PPP1R13B: variants seen among roughly 807,000 people sequenced by gnomAD.
The protein encoded by PPP1R13B is apoptosis-stimulating of p53 protein 1.
A neutral mutation model predicts 119.8 loss-of-function variants in PPP1R13B; 44 were observed. The ratio of observed to expected loss-of-function variants is 0.37; its 90% CI spans 0.29 to 0.47. The LOEUF is 0.47. Ranked by LOEUF, PPP1R13B falls within the 20% of genes least tolerant of loss-of-function variation. PPP1R13B has a pLI of 0.99. For missense variants in PPP1R13B, 1,227 were observed against 1,413.5 expected, an observed-to-expected ratio of 0.87 and a Z score of 2.12; for synonymous variants, 542 against 561.5, an observed-to-expected ratio of 0.97 and a Z score of 0.49.
At chr14:103,824,680 GCGAGACTC>G (rs1696289489) in intron 1 of PPP1R13B, among the ~76,000 whole-genome samples, 1 of 150,706 alleles carries the variant, frequency 6.6e-6, no homozygotes, top group Non-Finnish European at 1.5e-5. Flanking sequence ...GGGCGACAGA[GCGAGACTC>G]CGCCTCAAAA....
At position 103,757,645 on chromosome 14, in the gene PPP1R13B, C is replaced by G. The variant is rs1316313006; in HGVS notation, c.456+5G>C. Reference sequence around the variant, plus strand: ...AATGTTTCAATACCTCTTTTTATAACTTACCTTGGCAACCAACATCTGCTG... The same window carrying G: ...AATGTTTCAATACCTCTTTTTATAAGTTACCTTGGCAACCAACATCTGCTG... On this transcript the variant is annotated splice_donor_5th_base_variant and intron_variant, in intron 5 of 16. Transcript: ENST00000202556. 1 of 1,613,054 alleles carries G rather than the reference C, an allele frequency of 6.2e-7. No individual in the cohort carries two copies.
chr14:103,784,621 G>A (rs536592045), intron 3 of PPP1R13B, among the ~76,000 whole-genome samples, 174 bp downstream of exon 3: 8 of 131,518 alleles, frequency 6.1e-5, no homozygotes, highest in South Asian at 5.0e-4. Flanking sequence ...AAAAAGTGCC[G>A]TAATGGTAAA....
At chr14:103,803,624 C>T (rs1413427917) in intron 1 of PPP1R13B, among the ~76,000 whole-genome samples, 3 of 152,084 alleles carry the variant, frequency 2.0e-5, no homozygotes, top group African/African-American at 4.8e-5. Context: ...GCCTGGGCAA[C>T]AGAGCGAGAC....
At chr14:103,827,621 CTATAGA>C (rs971135315) in intron 1 of PPP1R13B, among the ~76,000 whole-genome samples, 1 of 148,196 alleles carries the variant, frequency 6.7e-6, no homozygotes, top group Non-Finnish European at 1.5e-5. Context: ...ATATATAATA[CTATAGA>C]TATATAGTAT....
chr14:103,776,697 C>G (rs2085204392), intron 4 of PPP1R13B, among the ~76,000 whole-genome samples: 1 of 151,962 alleles, frequency 6.6e-6, no homozygotes, highest in African/African-American at 2.4e-5. Flanking sequence ...ACGGTGAAAC[C>G]CCATCTCTAT....
intron 1 of PPP1R13B, among the ~76,000 whole-genome samples, chr14:103,811,148 G>A (rs1315042985): frequency 4.0e-5 from 6 of 149,182 alleles, no homozygotes; most frequent in Non-Finnish European, 8.9e-5. Context: ...TTGAAATAAT[G>A]GTTGCTTTAC....
intron 1 of PPP1R13B, among the ~76,000 whole-genome samples, chr14:103,811,861 C>T (rs2086164029): frequency 6.6e-6 from 1 of 151,070 alleles, no homozygotes; most frequent in African/African-American, 2.4e-5. Context: ...TCAAGATCAT[C>T]CTGGCTAACA....
intron 9 of PPP1R13B, 64 bp downstream of exon 9, chr14:103,746,309 T>TC: frequency 9.0e-6 from 1 of 111,406 alleles, no homozygotes; most frequent in East Asian, 2.0e-4. Context: ...CCCCCGCCCC[T>TC]CCACCGCAGG....
chr14:103,843,059 G>A (rs1436935654), intron 1 of PPP1R13B, among the ~76,000 whole-genome samples: 3 of 151,824 alleles, frequency 2.0e-5, no homozygotes, highest in East Asian at 3.9e-4. Flanking sequence ...GCTACAAAAC[G>A]TCCACACTCT....
At chr14:103,771,603 CCT>C (rs1443649571) in intron 4 of PPP1R13B, among the ~76,000 whole-genome samples, 1 of 151,792 alleles carries the variant, frequency 6.6e-6, no homozygotes, top group Non-Finnish European at 1.5e-5. Context: ...GCCTCATCCC[CCT>C]GAGTAGTTGG....
chr14:103,763,914 C>T (rs2084875026), intron 4 of PPP1R13B: 1 of 152,288 alleles, frequency 6.6e-6, no homozygotes, highest in Non-Finnish European at 1.5e-5. Context: ...TAGTCTTTCA[C>T]ACCTGCTGTG....
intron 8 of PPP1R13B, among the ~76,000 whole-genome samples, chr14:103,748,540 T>C (rs905146441): frequency 5.3e-5 from 8 of 152,010 alleles, no homozygotes; most frequent in African/African-American, 1.9e-4. Context: ...GGGAAGGGAG[T>C]CCTTGCTGGT....
At chr14:103,847,973 G>T (rs543672484), upstream of PPP1R13B, among the ~76,000 whole-genome samples, 40 of 151,724 alleles carry the variant, frequency 2.6e-4, 1 homozygote, top group South Asian at 3.9e-3. Flanking sequence ...TCCCTGCGGC[G>T]ACGGCGCGCG....
intron 1 of PPP1R13B, among the ~76,000 whole-genome samples, chr14:103,844,095 C>T (rs2086971095): frequency 6.6e-6 from 1 of 151,786 alleles, no homozygotes; most frequent in African/African-American, 2.4e-5. Flanking sequence ...GGTGAAACCC[C>T]GTCTCTACTA....
chr14:103,746,637 A>T, intron 8 of PPP1R13B, 84 bp from the exon 9 acceptor site: 1 of 1,222,080 alleles, frequency 8.2e-7, no homozygotes, highest in Non-Finnish European at 1.1e-6. Context: ...GCCAGCTCGG[A>T]CAGAAAGCAC....
At position 103,740,322 on chromosome 14, in the gene PPP1R13B, C is replaced by T. The variant is rs1235710907; in HGVS notation, c.2094G>A (p.Leu698=). 8 of 1,571,510 alleles carry T rather than the reference C, an allele frequency of 5.1e-6. No individual in the cohort carries two copies. The highest frequency in any genetic ancestry group is 6.9e-6 in the Non-Finnish European group (8 of 1,158,760). Residue 698 remains leucine, a synonymous_variant, in exon 12 of 17, where the codon CTG becomes CTA. Coordinates refer to ENST00000202556, the MANE Select transcript of PPP1R13B (RefSeq NM_015316.3). This position sits in a 1 kb window ranked among gnomAD's most constrained non-coding sequence, Gnocchi z 4.6. ...DADLEALRRK[L]ANAPRPLKKR... Reference sequence around the variant, plus strand: ...TTTTCAGGGGCCGGGGCGCGTTGGCCAGCTTCCTGCGGAGGGCCTCCAGGT... The same window carrying T: ...TTTTCAGGGGCCGGGGCGCGTTGGCTAGCTTCCTGCGGAGGGCCTCCAGGT...
rs748715019 is a variant in PPP1R13B at position 103,746,443 on chromosome 14, C to A, written c.1080G>T (p.Val360=). ...ACTGGGGCTTTATAGGGTCCCCCAGCACAGGAAAGCTTCCGGCACTGGGAA... is the reference window on the plus strand; with the variant it reads ...ACTGGGGCTTTATAGGGTCCCCCAGAACAGGAAAGCTTCCGGCACTGGGAA... ...IQVPSAGSFP[V]LGDPIKPQSL... The change falls in exon 9 of 17, where the codon GTG becomes GTT. Residue 360 remains valine (V), a synonymous_variant. Coordinates refer to ENST00000202556, the MANE Select transcript of PPP1R13B (RefSeq NM_015316.3). 9 of 1,614,126 alleles carry A rather than the reference C, an allele frequency of 5.6e-6. No homozygotes were observed. In the East Asian group the frequency reaches 2.0e-4, roughly 36 times the overall value.
At position 103,738,645 on chromosome 14, in the gene PPP1R13B, A is replaced by G. The variant is rs1256863155; in HGVS notation, c.2864+34T>C. 4 of 1,609,688 alleles carry G rather than the reference A, an allele frequency of 2.5e-6. No individual in the cohort carries two copies. Among genetic ancestry groups the G allele is most frequent in the Admixed American group, 1.7e-5 (1 of 59,898 alleles). ...TTTCCTTATGCAAAGCAGGGAAAGT[A>G]AATCTGTCCACCCCACACTCCTACG... On this transcript the variant is annotated intron_variant, in intron 14 of 16. Transcript: ENST00000202556. This position sits in a 1 kb window ranked among gnomAD's most constrained non-coding sequence, Gnocchi z 5.6.
chr14:103,825,301 G>A (rs1372320376), intron 1 of PPP1R13B, among the ~76,000 whole-genome samples: 2 of 152,060 alleles, frequency 1.3e-5, no homozygotes, highest in East Asian at 3.9e-4. Context: ...TAACCCTACA[G>A]TGGCCTCTAA....
Sources: allele counts gnomAD v4.1 joint callset (sites outside exome capture counted in the v4.1 genomes callset), GRCh38; gene constraint gnomAD v4.1.1; non-coding constraint Gnocchi (gnomAD v3.1); transcripts MANE v1.5; gene names NCBI Gene and HGNC (gene_info 2026-07-23, HGNC 2026-07-21).